The following PRDM5 variants were observed in gnomAD, a reference collection of about 807,000 sequenced individuals.
PRDM5 encodes PR/SET domain 5.
A neutral mutation model predicts 81.2 loss-of-function variants in PRDM5; 56 were observed. That is an observed-to-expected ratio of 0.69 (90% CI 0.56 to 0.86). PRDM5 has a LOEUF of 0.86. PRDM5 is among the 40% of genes least tolerant of loss of function. The probability of loss-of-function intolerance (pLI) is 0.00; values close to 1 mark genes in which losing one functional copy is unlikely to be tolerated. For synonymous variants in PRDM5, 267 were observed against 256.4 expected, an observed-to-expected ratio of 1.04 and a Z score of -0.39; for missense variants, 697 against 770.1, an observed-to-expected ratio of 0.91 and a Z score of 1.12.
intron 1 of PRDM5, among the ~76,000 whole-genome samples, chr4:120,908,719 C>T (rs1447251837): frequency 1.3e-5 from 2 of 152,126 alleles, no homozygotes; most frequent in Non-Finnish European, 2.9e-5. Flanking sequence ...CAAATCAAGA[C>T]TATAATTGTA....
chr4:120,785,179 G>T, intron 10 of PRDM5, 88 bp from the exon 11 acceptor site: 1 of 1,001,118 alleles, frequency 1.0e-6, no homozygotes, highest in Non-Finnish European at 1.6e-6. Context: ...TGATGCGAAA[G>T]AGGAAAGAAG....
At position 120,836,492 on chromosome 4, in the gene PRDM5, A is replaced by C. The variant is rs532006737; in HGVS notation, c.301-15147T>G. On this transcript the variant is annotated intron_variant, in intron 3 of 15. Coordinates refer to ENST00000264808, the MANE Select transcript of PRDM5 (RefSeq NM_018699.4). ...CCTCTTAAGCACTGAGAGTGCCCTCAATTCCAAATGACTTTTAACCCATGA... is the reference window on the plus strand; with the variant it reads ...CCTCTTAAGCACTGAGAGTGCCCTCCATTCCAAATGACTTTTAACCCATGA... 1.6e-4 allele frequency among the ~76,000 whole-genome samples: 24 copies of C among 152,322 alleles called. No homozygotes were observed. In the South Asian group the frequency reaches 4.8e-3, roughly 30 times the overall value.
intron 2 of PRDM5, among the ~76,000 whole-genome samples, chr4:120,894,802 T>C (rs1764434659): frequency 1.3e-5 from 2 of 152,194 alleles, no homozygotes; most frequent in Admixed American, 1.3e-4. Flanking sequence ...GATTTTGCAA[T>C]TAGTAGAGCT....
At chr4:120,700,580 G>T (rs946988655) in intron 15 of PRDM5, among the ~76,000 whole-genome samples, 2 of 151,990 alleles carry the variant, frequency 1.3e-5, no homozygotes, top group Non-Finnish European at 2.9e-5. Context: ...GAATCTGTAA[G>T]GAAATTAAAC....
intron 11 of PRDM5, 38 bp from the exon 12 acceptor site, chr4:120,781,341 G>C: frequency 6.3e-7 from 1 of 1,588,568 alleles, no homozygotes; most frequent in Non-Finnish European, 8.6e-7. Context: ...AGCAATAGCA[G>C]GGTCCTATTA....
intron 14 of PRDM5, among the ~76,000 whole-genome samples, chr4:120,746,837 G>T (rs1743155938): frequency 6.9e-6 from 1 of 145,526 alleles, no homozygotes; most frequent in Non-Finnish European, 1.5e-5. Context: ...CTGTTGGTGG[G>T]ACTGTAAACT....
chr4:120,710,772 C>G (rs568475631), intron 14 of PRDM5, among the ~76,000 whole-genome samples: 16 of 152,208 alleles, frequency 1.1e-4, no homozygotes, highest in African/African-American at 3.9e-4. Flanking sequence ...GTGAGCTTCC[C>G]CCTTCCACCA....
chr4:120,743,231 A>G (rs1742371574), intron 14 of PRDM5, among the ~76,000 whole-genome samples: 1 of 151,446 alleles, frequency 6.6e-6, no homozygotes, highest in Non-Finnish European at 1.5e-5. Flanking sequence ...GGAAATGCTG[A>G]GAGATTTTGT....
Position 120,798,299 on chromosome 4 carries a change from C to A in PRDM5, c.1156G>T (p.Ala386Ser), listed in dbSNP as rs764553910. 30 of 1,609,362 alleles carry A rather than the reference C, an allele frequency of 1.9e-5. No individual in the cohort carries two copies. The highest frequency in any genetic ancestry group is 8.9e-5 in the South Asian group (8 of 90,004). Reference sequence around the variant, plus strand: ...TGATTCTTGTAAACATTTCTGTGGGCAAATCCCTTTCCACAAAGTTTGCAT... The same window carrying A: ...TGATTCTTGTAAACATTTCTGTGGGAAAATCCCTTTCCACAAAGTTTGCAT... ...YKCKLCGKGF[A>S]HRNVYKNHKK... The change falls in exon 10 of 16, where the codon GCC becomes TCC. Residue 386 changes from alanine to serine, a missense_variant. By Grantham distance (99) the Ala-to-Ser change is moderately conservative. This residue lies in a region of PRDM5 where 577 missense variants were observed against 606.7 expected (regional missense o/e 0.95). Transcript: ENST00000264808.
At chr4:120,807,345 GTA>G (rs1277557941) in intron 8 of PRDM5, among the ~76,000 whole-genome samples, 1 of 152,122 alleles carries the variant, frequency 6.6e-6, no homozygotes, top group Non-Finnish European at 1.5e-5. Context: ...CCATATATGG[GTA>G]TATACCATTA....
intron 2 of PRDM5, among the ~76,000 whole-genome samples, chr4:120,873,933 T>C (rs1762097445): frequency 6.6e-6 from 1 of 152,204 alleles, no homozygotes; most frequent in Non-Finnish European, 1.5e-5. Context: ...TGGGCTATTA[T>C]GTACACTTTA....
intron 13 of PRDM5, among the ~76,000 whole-genome samples, chr4:120,772,517 C>T (rs992321373): frequency 2.6e-5 from 4 of 152,108 alleles, no homozygotes; most frequent in Admixed American, 6.5e-5. Context: ...AACGTTGCAG[C>T]GGCGGCAGCA....
At chr4:120,764,711 T>G (rs1313555015) in intron 13 of PRDM5, among the ~76,000 whole-genome samples, 2 of 152,118 alleles carry the variant, frequency 1.3e-5, no homozygotes, top group Admixed American at 6.6e-5. Context: ...TATAAGAAAA[T>G]TCCATTCAAA....
rs762154293 is a variant in PRDM5, at chr4:120,798,304, C to A, written c.1151G>T (p.Gly384Val). 6.2e-7 allele frequency: 1 copy of A among 1,609,976 alleles called. No individual in the cohort carries two copies. The highest frequency in any genetic ancestry group is 1.3e-5 in the African/African-American group (1 of 74,828). ...KPYKCKLCGKGFAHRNVYKNH... is the reference protein window; with the variant it reads ...KPYKCKLCGKVFAHRNVYKNH... Reference sequence around the variant, plus strand: ...CTTGTAAACATTTCTGTGGGCAAATCCCTTTCCACAAAGTTTGCATTTGTA... The same window carrying A: ...CTTGTAAACATTTCTGTGGGCAAATACCTTTCCACAAAGTTTGCATTTGTA... Residue 384 changes from glycine to valine, a missense_variant, in exon 10 of 16, where the codon GGA (glycine) becomes GTA (valine). This residue lies in a region of PRDM5 where 577 missense variants were observed against 606.7 expected (regional missense o/e 0.95). Coordinates refer to ENST00000264808, the MANE Select transcript of PRDM5 (RefSeq NM_018699.4).
intron 3 of PRDM5, among the ~76,000 whole-genome samples, chr4:120,839,646 G>A (rs1409778572): frequency 3.3e-5 from 5 of 152,172 alleles, no homozygotes; most frequent in African/African-American, 7.2e-5. Context: ...CTGGTCGACC[G>A]GACTGTCAGC....
chr4:120,843,167 C>A (rs1332877495), intron 3 of PRDM5, among the ~76,000 whole-genome samples: 1 of 151,764 alleles, frequency 6.6e-6, no homozygotes, highest in African/African-American at 2.4e-5. Context: ...GAAATCCTGT[C>A]TACTAAAAAT....
intron 1 of PRDM5, among the ~76,000 whole-genome samples, chr4:120,914,294 A>G (rs1190781538): frequency 1.3e-5 from 2 of 152,084 alleles, no homozygotes; most frequent in Non-Finnish European, 2.9e-5. Flanking sequence ...TCAAAAAAAA[A>G]TCTCAAGTGA....
Position 120,861,133 on chromosome 4 carries a change from G to A in PRDM5, c.178-7593C>T, listed in dbSNP as rs568013949. Among the ~76,000 whole-genome samples the A allele has an allele frequency of 3.5e-4, 54 of 152,146 alleles. No individual in the cohort carries two copies. The East Asian group carries it at 4.6e-3, about 13-fold the overall frequency. ...AGCAATTCTCCAGCCTCAGCCTCCCGAGTAGCTGGGATTACAGATGTGTAC... is the reference window on the plus strand; with the variant it reads ...AGCAATTCTCCAGCCTCAGCCTCCCAAGTAGCTGGGATTACAGATGTGTAC... On this transcript the variant is annotated intron_variant, in intron 2 of 15. Coordinates refer to ENST00000264808, the MANE Select transcript of PRDM5 (RefSeq NM_018699.4).
At chr4:120,764,553 C>A (rs899457271) in intron 13 of PRDM5, among the ~76,000 whole-genome samples, 2 of 151,418 alleles carry the variant, frequency 1.3e-5, no homozygotes, top group African/African-American at 4.9e-5. Context: ...TGTCATTAAC[C>A]CAAAATCAAC....
Sources: allele counts gnomAD v4.1 joint callset (sites outside exome capture counted in the v4.1 genomes callset), GRCh38; gene constraint gnomAD v4.1.1; regional missense constraint gnomAD v4.1.1; transcripts MANE v1.5; gene names NCBI Gene and HGNC (gene_info 2026-07-23, HGNC 2026-07-21).